The following ZNF536 variants were observed in gnomAD, a reference collection of about 807,000 sequenced individuals.
ZNF536 encodes zinc finger protein 536.
In ZNF536, 13 loss-of-function variants were observed where a neutral mutation model predicts 84.5. The ratio of observed to expected loss-of-function variants is 0.15; its 90% CI spans 0.10 to 0.24. The LOEUF is 0.24. Among genes scored for constraint, ZNF536 ranks in the 10% least tolerant of loss-of-function variants. ZNF536 has a pLI of 1.00. For missense variants in ZNF536, 1,536 were observed against 1,747.5 expected, an observed-to-expected ratio of 0.88 and a Z score of 2.16; for synonymous variants, 811 against 742.5, an observed-to-expected ratio of 1.09 and a Z score of -1.50.
Position 30,644,836 on chromosome 19 carries a change from A to C in ZNF536, c.170-65921A>C, listed in dbSNP as rs1415927476. Among the ~76,000 whole-genome samples the C allele has an allele frequency of 2.0e-5, 3 of 152,284 alleles. No individual in the cohort carries two copies. In the East Asian group the frequency reaches 5.8e-4, roughly 29 times the overall value. ...AGTGCCTCAATAAACATACGTGTGCATGTGTTTTTATAGCAGTGTGATTTA... is the reference window on the plus strand; with the variant it reads ...AGTGCCTCAATAAACATACGTGTGCCTGTGTTTTTATAGCAGTGTGATTTA... On this transcript the variant is annotated intron_variant, in intron 1 of 1. Transcript: ENST00000592773.
downstream of ZNF536, among the ~76,000 whole-genome samples, chr19:30,562,235 T>C (rs1156452878): frequency 6.6e-6 from 1 of 152,110 alleles, no homozygotes; most frequent in Non-Finnish European, 1.5e-5. Flanking sequence ...TTCAGATGAC[T>C]CCTCCGGACC....
chr19:30,420,653 T>C (rs944797860), intron 1 of ZNF536, among the ~76,000 whole-genome samples: 4 of 151,864 alleles, frequency 2.6e-5, no homozygotes, highest in Non-Finnish European at 5.9e-5. Flanking sequence ...CAAAAGAAAA[T>C]CCTAAATTCT....
intron 1 of ZNF536, among the ~76,000 whole-genome samples, chr19:30,698,743 T>C (rs900203676): frequency 3.3e-5 from 5 of 152,100 alleles, no homozygotes; most frequent in Admixed American, 3.3e-4. Context: ...CTGGCTGAGG[T>C]CATGTTTGTC....
intron 3 of ZNF536, among the ~76,000 whole-genome samples, chr19:30,545,385 CTTTTTTTTTTTT>C (rs772761287): frequency 3.1e-4 from 21 of 67,658 alleles, no homozygotes; most frequent in African/African-American, 1.3e-3. Flanking sequence ...TCCCATATGT[CTTTTTTTTTTTT>C]TTTTTTTTTT....
intron 1 of ZNF536, among the ~76,000 whole-genome samples, chr19:30,424,650 C>G (rs2051133531): frequency 6.6e-6 from 1 of 152,134 alleles, no homozygotes; most frequent in Non-Finnish European, 1.5e-5. Context: ...GTGCAAGGCT[C>G]TCTGCTGAGA....
intron 2 of ZNF536, among the ~76,000 whole-genome samples, chr19:30,482,419 C>G (rs182537112): frequency 6.6e-6 from 1 of 152,332 alleles, no homozygotes; most frequent in Admixed American, 6.5e-5. Flanking sequence ...TTGAGCCGGT[C>G]TGTTTTATTC....
At chr19:30,311,765 A>G (rs371525489) in intron 2 of ZNF536, among the ~76,000 whole-genome samples, 2 of 152,244 alleles carry the variant, frequency 1.3e-5, no homozygotes, top group South Asian at 2.1e-4. Context: ...AAGTAAATGC[A>G]AGTGGACTAT....
intron 1 of ZNF536, among the ~76,000 whole-genome samples, chr19:30,599,276 G>C: frequency 1.2e-5 from 1 of 83,250 alleles, no homozygotes; most frequent in Non-Finnish European, 2.2e-5. Context: ...CCCCATCCTT[G>C]TCTCTCTCCT....
chr19:30,286,452 G>A (rs1008814297), intron 2 of ZNF536, among the ~76,000 whole-genome samples: 3 of 152,024 alleles, frequency 2.0e-5, no homozygotes, highest in Non-Finnish European at 2.9e-5. Flanking sequence ...TAGGGCTAGA[G>A]GGTGGGGGAG....
In ZNF536 at chr19:30,251,066, C is replaced by T. The variant is rs138245682; in HGVS notation, c.-190+22393C>T. Among the ~76,000 whole-genome samples, 8 of 152,046 alleles carry T rather than the reference C, an allele frequency of 5.3e-5. No individual in the cohort carries two copies. In the East Asian group the frequency reaches 1.6e-3, roughly 29 times the overall value. On this transcript the variant is annotated intron_variant, in intron 1 of 5. Transcript: ENST00000585628. ...AGAACATGTGGGGTCTGTCTGCTTC[C>T]CTCTATCCCTGCAGTCAGCAACACC...
chr19:30,702,553 G>A (rs2052030040), intron 1 of ZNF536, among the ~76,000 whole-genome samples: 3 of 152,054 alleles, frequency 2.0e-5, no homozygotes, highest in Non-Finnish European at 2.9e-5. Context: ...CTGGTGTGGC[G>A]GCAGTGCTGG....
At chr19:30,324,246 A>G (rs1300688956) in intron 2 of ZNF536, among the ~76,000 whole-genome samples, 1 of 151,900 alleles carries the variant, frequency 6.6e-6, no homozygotes, top group African/African-American at 2.4e-5. Flanking sequence ...CCACCCATCC[A>G]TCCATCCCAT....
intron 3 of ZNF536, among the ~76,000 whole-genome samples, chr19:30,357,430 C>T (rs1167504190): frequency 2.0e-5 from 3 of 152,012 alleles, no homozygotes; most frequent in Admixed American, 6.5e-5. Flanking sequence ...CTTTATCAGG[C>T]GTGGCTTTGT....
chr19:30,354,644 C>T (rs559982255), intron 3 of ZNF536, among the ~76,000 whole-genome samples: 51 of 152,248 alleles, frequency 3.3e-4, no homozygotes, highest in African/African-American at 1.2e-3. Context: ...GGAGATTTTC[C>T]CAGACTGGAA....
At chr19:30,675,632 T>G (rs1180379081) in intron 1 of ZNF536, among the ~76,000 whole-genome samples, 1 of 152,202 alleles carries the variant, frequency 6.6e-6, no homozygotes, top group Non-Finnish European at 1.5e-5. Flanking sequence ...CATCTTGAGA[T>G]GTCTGTTTCT....
intron 2 of ZNF536, among the ~76,000 whole-genome samples, chr19:30,456,560 T>A (rs2052855786): frequency 4.6e-5 from 7 of 152,218 alleles, no homozygotes; most frequent in Admixed American, 3.9e-4. Flanking sequence ...CGTAAGATTG[T>A]ACTGAAGCCT....
At chr19:30,338,297 A>G (rs1206626949) in intron 2 of ZNF536, among the ~76,000 whole-genome samples, 2 of 151,348 alleles carry the variant, frequency 1.3e-5, no homozygotes, top group African/African-American at 2.4e-5. Flanking sequence ...TGATAATATG[A>G]TGATGACAAT....
intron 1 of ZNF536, among the ~76,000 whole-genome samples, chr19:30,582,353 C>T (rs1276905079): frequency 1.3e-5 from 2 of 149,706 alleles, no homozygotes; most frequent in Admixed American, 6.7e-5. Flanking sequence ...AGCTGATGTC[C>T]TGGCTTCTCT....
At chr19:30,621,623 T>C (rs1475006667) in intron 1 of ZNF536, among the ~76,000 whole-genome samples, 1 of 152,266 alleles carries the variant, frequency 6.6e-6, no homozygotes, top group Non-Finnish European at 1.5e-5. Flanking sequence ...TTCAGTGTGA[T>C]AAAGTAACTA....
Sources: gnomAD v4.1 joint callset for allele counts (sites outside exome capture counted in the v4.1 genomes callset) on GRCh38, gnomAD v4.1.1 for gene constraint, MANE v1.5 for transcripts, NCBI Gene and HGNC (gene_info 2026-07-23, HGNC 2026-07-21) for gene names.